The following GNAQ variants were observed in gnomAD, a reference collection of about 807,000 sequenced individuals.
The protein encoded by GNAQ is guanine nucleotide-binding protein G(q) subunit alpha.
In GNAQ, 8 loss-of-function variants were observed where a neutral mutation model predicts 43.9. That is an observed-to-expected ratio of 0.18 (90% confidence interval 0.11 to 0.33). The LOEUF is 0.33. GNAQ is among the 10% of genes least tolerant of loss of function. GNAQ has a pLI of 1.00. For missense variants in GNAQ, 158 were observed against 450.8 expected, an observed-to-expected ratio of 0.35 and a Z score of 5.88; for synonymous variants, 155 against 170.7, an observed-to-expected ratio of 0.91 and a Z score of 0.71.
chr9:77,831,862 T>C (rs1338425189), intron 2 of GNAQ, among the ~76,000 whole-genome samples: 1 of 152,212 alleles, frequency 6.6e-6, no homozygotes, highest in Non-Finnish European at 1.5e-5. Flanking sequence ...TTTATGTATC[T>C]ATATACCTGC....
intron 1 of GNAQ, among the ~76,000 whole-genome samples, chr9:77,965,937 C>G (rs1823161719): frequency 6.6e-6 from 1 of 151,686 alleles, no homozygotes. Context: ...CAATCCAAGT[C>G]TCCATCAGTA....
At chr9:77,909,271 T>C (rs191648250) in intron 2 of GNAQ, among the ~76,000 whole-genome samples, 7 of 152,332 alleles carry the variant, frequency 4.6e-5, no homozygotes, top group Non-Finnish European at 7.3e-5. Context: ...TTGACTGCAG[T>C]GTTCCATTAA....
In GNAQ at chr9:77,988,389, A is replaced by G. The variant is rs533495570; in HGVS notation, c.136+42711T>C. ...GGAAATAGTACAGGTTGGGTCCTAC[A>G]CTGCAACCTAAAAGGATGTGGGATC... On this transcript the variant is annotated intron_variant, in intron 1 of 6. Coordinates refer to ENST00000286548, the MANE Select transcript of GNAQ (RefSeq NM_002072.5). Among the ~76,000 whole-genome samples, 6 of 152,380 alleles carry G rather than the reference A, an allele frequency of 3.9e-5. No homozygotes were observed. The South Asian group carries it at 8.3e-4, about 21-fold the overall frequency.
At chr9:77,777,614 A>G (rs1270911435) in intron 5 of GNAQ, among the ~76,000 whole-genome samples, 2 of 152,078 alleles carry the variant, frequency 1.3e-5, no homozygotes, top group African/African-American at 4.8e-5. Context: ...TCTCCTTTAT[A>G]TAAAGGACTC....
At chr9:77,984,266 C>T (rs1250455705) in intron 1 of GNAQ, among the ~76,000 whole-genome samples, 4 of 151,152 alleles carry the variant, frequency 2.6e-5, no homozygotes, top group African/African-American at 9.7e-5. Flanking sequence ...ACCTCCTGGG[C>T]TCAAGTGATC....
At chr9:77,767,474 A>C (rs964071073) in intron 5 of GNAQ, among the ~76,000 whole-genome samples, 6 of 152,072 alleles carry the variant, frequency 3.9e-5, no homozygotes, top group African/African-American at 1.4e-4. Flanking sequence ...ATCACTAGCT[A>C]CTCTTGTCAA....
At chr9:77,911,812 G>T (rs1383747859) in intron 2 of GNAQ, among the ~76,000 whole-genome samples, 1 of 152,114 alleles carries the variant, frequency 6.6e-6, no homozygotes, top group Non-Finnish European at 1.5e-5. Flanking sequence ...AAGTGAGAAA[G>T]AACATCACTG....
chr9:77,892,579 G>A (rs552288983), intron 2 of GNAQ, among the ~76,000 whole-genome samples: 4 of 152,218 alleles, frequency 2.6e-5, no homozygotes, highest in South Asian at 2.1e-4. Context: ...TGAAATCCTC[G>A]GTGCTGCGAG....
chr9:77,729,175 T>G (rs1825446280), intron 5 of GNAQ, among the ~76,000 whole-genome samples: 1 of 152,212 alleles, frequency 6.6e-6, no homozygotes, highest in Non-Finnish European at 1.5e-5. Context: ...GAGTTATTAC[T>G]CTACACACAC....
At chr9:77,849,658 G>A (rs945448377) in intron 2 of GNAQ, among the ~76,000 whole-genome samples, 1 of 152,034 alleles carries the variant, frequency 6.6e-6, no homozygotes, top group Non-Finnish European at 1.5e-5. Context: ...GGAGATGATC[G>A]AATCCAAGGG....
Position 77,821,896 on chromosome 9 carries a change from G to T in GNAQ, c.322-6126C>A, listed in dbSNP as rs150491694. 3.7e-3 allele frequency among the ~76,000 whole-genome samples: 570 copies of T among 152,122 alleles called. 5 individuals are homozygous for T. Among genetic ancestry groups the T allele is most frequent in the Middle Eastern group, 0.017 (5 of 294 alleles). Reference sequence around the variant, plus strand: ...TTCATTAAAATTCAAAACAATTAGGGTATGGTCTGTATGACTACTTTCAAA... The same window carrying T: ...TTCATTAAAATTCAAAACAATTAGGTTATGGTCTGTATGACTACTTTCAAA... On this transcript the variant is annotated intron_variant, in intron 2 of 6. Transcript: ENST00000286548.
rs1054663194 is a variant in GNAQ, at chr9:77,717,284, G to A, written c.*4039C>T. 4.3e-6 allele frequency: 1 copy of A among 232,392 alleles called. No individual in the cohort carries two copies. Among genetic ancestry groups the A allele is most frequent in the African/African-American group, 2.2e-5 (1 of 45,384 alleles). 14.4% of individuals were successfully genotyped at this position (232,392 alleles called of 1,614,324 possible). A position where few individuals can be genotyped will look rare whatever the true frequency, so the allele number is the denominator to read the frequency against. On this transcript the variant is annotated 3_prime_UTR_variant, in exon 7 of 7. Transcript: ENST00000286548. Reference sequence around the variant, plus strand: ...AATTGAGATGTTGATTACCAATTAAGTGGTTTTAAACCCTTATTTAATTTG... The same window carrying A: ...AATTGAGATGTTGATTACCAATTAAATGGTTTTAAACCCTTATTTAATTTG...
At chr9:77,926,433 T>C (rs1189023497) in intron 1 of GNAQ, among the ~76,000 whole-genome samples, 1 of 152,202 alleles carries the variant, frequency 6.6e-6, no homozygotes, top group East Asian at 1.9e-4. Flanking sequence ...ACTTTTCTAC[T>C]AGTAGATTAT....
intron 4 of GNAQ, among the ~76,000 whole-genome samples, chr9:77,795,112 C>G (rs1826636503): frequency 6.6e-6 from 1 of 152,112 alleles, no homozygotes; most frequent in Non-Finnish European, 1.5e-5. Flanking sequence ...CCCACTCATC[C>G]TTTATCAGCA....
intron 1 of GNAQ, among the ~76,000 whole-genome samples, chr9:77,995,641 C>T (rs1419889160): frequency 6.6e-6 from 1 of 151,990 alleles, no homozygotes; most frequent in Non-Finnish European, 1.5e-5. Flanking sequence ...AACTACTCGG[C>T]TAATTTTTTT....
intron 5 of GNAQ, among the ~76,000 whole-genome samples, chr9:77,729,119 GTTAC>G (rs1825445501): frequency 6.6e-6 from 1 of 152,068 alleles, no homozygotes; most frequent in Non-Finnish European, 1.5e-5. Context: ...AATCAAAACA[GTTAC>G]TTCTTTGTCA....
chr9:77,839,826 T>C (rs1827455350), intron 2 of GNAQ, among the ~76,000 whole-genome samples: 1 of 152,218 alleles, frequency 6.6e-6, no homozygotes, highest in African/African-American at 2.4e-5. Context: ...GAAAAATACA[T>C]AAGAACTATG....
At chr9:77,903,126 G>A (rs902487906) in intron 2 of GNAQ, among the ~76,000 whole-genome samples, 2 of 152,100 alleles carry the variant, frequency 1.3e-5, no homozygotes, top group African/African-American at 2.4e-5. Flanking sequence ...AACACAGGTC[G>A]TTAGAAGAGG....
At chr9:77,732,843 A>G (rs1825517497) in intron 5 of GNAQ, among the ~76,000 whole-genome samples, 1 of 152,102 alleles carries the variant, frequency 6.6e-6, no homozygotes, top group Non-Finnish European at 1.5e-5. Flanking sequence ...CAGGTGAGAG[A>G]GCTGGATCAG....
Sources: gnomAD v4.1 joint callset for allele counts (sites outside exome capture counted in the v4.1 genomes callset) on GRCh38, gnomAD v4.1.1 for gene constraint, MANE v1.5 for transcripts, NCBI Gene and HGNC (gene_info 2026-07-23, HGNC 2026-07-21) for gene names.